EPB41: variants seen among roughly 807,000 people sequenced by gnomAD.
EPB41 encodes the protein protein 4.1.
In EPB41, 65 loss-of-function variants were observed where a neutral mutation model predicts 108.0. The observed-to-expected ratio is 0.60, with a 90% confidence interval of 0.49 to 0.74. The LOEUF (loss-of-function observed/expected upper bound fraction) is 0.74. Among genes scored for constraint, EPB41 ranks in the 30% least tolerant of loss-of-function variants. The pLI, the probability that EPB41 is intolerant of heterozygous loss-of-function variation, is 0.00. For synonymous variants in EPB41, 336 were observed against 358.9 expected (o/e 0.94, Z 0.72); for missense variants, 875 against 1,037.0 (o/e 0.84, Z 2.15).
At chr1:29,050,391 A>G (rs180844038) in intron 11 of EPB41, among the ~76,000 whole-genome samples, 31 of 152,398 alleles carry the variant, frequency 2.0e-4, no homozygotes, top group African/African-American at 7.0e-4. Flanking sequence ...AAAATAACAC[A>G]TGGTGAAAGC....
Position 28,997,200 on chromosome 1 carries a change from C to T in EPB41, c.682-15C>T, listed in dbSNP as rs769903319. 6 of 1,572,230 alleles carry T rather than the reference C, an allele frequency of 3.8e-6. No individual in the cohort carries two copies. The East Asian group carries it at 6.7e-5, about 18-fold the overall frequency. Reference sequence around the variant, plus strand: ...AAGAAACCTCAACTCAACTAAGTCACGTATATCTTTGCAGAAACATGCTAA... The same window carrying T: ...AAGAAACCTCAACTCAACTAAGTCATGTATATCTTTGCAGAAACATGCTAA... On this transcript the variant is annotated splice_polypyrimidine_tract_variant and intron_variant, in intron 3 of 20. Coordinates refer to ENST00000343067, the MANE Select transcript of EPB41 (RefSeq NM_001376013.1).
At chr1:28,927,091 A>G (rs1223126906) in intron 1 of EPB41, among the ~76,000 whole-genome samples, 1 of 152,232 alleles carries the variant, frequency 6.6e-6, no homozygotes, top group East Asian at 1.9e-4. Context: ...TACAAGGTTG[A>G]AAAACAGGAA....
At chr1:28,935,467 ACCCC>A (rs71022381) in intron 1 of EPB41, among the ~76,000 whole-genome samples, 168 of 64,150 alleles carry the variant, frequency 2.6e-3, no homozygotes, top group Middle Eastern at 0.02. Flanking sequence ...ACACACACAC[ACCCC>A]CCCCCCCCCA....
rs1448084218 is a variant in EPB41, at chr1:29,119,354, G to A, written c.*2542G>A. The A allele has an allele frequency of 6.6e-6, 1 of 152,588 alleles. No homozygotes were observed. The highest frequency in any genetic ancestry group is 1.9e-4 in the East Asian group (1 of 5,202). The allele number at this position is 152,588 out of a possible 1,614,324, so 9.5% of individuals were successfully genotyped here. On this transcript the variant is annotated 3_prime_UTR_variant, in exon 21 of 21. Transcript: ENST00000343067. Reference sequence around the variant, plus strand: ...GTCCAGGTAGAAATGGTGAGGAGGGGGAAGAGAATTACATTTCCAGGGTCA... The same window carrying A: ...GTCCAGGTAGAAATGGTGAGGAGGGAGAAGAGAATTACATTTCCAGGGTCA...
intron 16 of EPB41, among the ~76,000 whole-genome samples, chr1:29,086,001 A>AT (rs2151323192): frequency 6.6e-6 from 1 of 152,200 alleles, no homozygotes; most frequent in African/African-American, 2.4e-5. Context: ...ATTAAGGCTT[A>AT]TTTTTTACTG....
Position 28,887,863 on chromosome 1 carries a change from C to T in EPB41, c.-8+653C>T, listed in dbSNP as rs916680613. Among the ~76,000 whole-genome samples the T allele has an allele frequency of 1.3e-5, 2 of 152,236 alleles. No homozygotes were observed. Among genetic ancestry groups the T allele is most frequent in the African/African-American group, 4.8e-5 (2 of 41,472 alleles). On this transcript the variant is annotated intron_variant, in intron 1 of 16. Coordinates refer to the EPB41 transcript ENST00000347529. The surrounding 1 kb of genome is among the most constrained non-coding windows in gnomAD (Gnocchi z 4.9). Reference sequence around the variant, plus strand: ...TCTGGGTCTCCCGGGTCTCTCTGTCCGGTTCAGGCTCAGGTTCCCTCTCAT... The same window carrying T: ...TCTGGGTCTCCCGGGTCTCTCTGTCTGGTTCAGGCTCAGGTTCCCTCTCAT...
At chr1:28,888,891 T>C (rs1246681988) in intron 1 of EPB41, among the ~76,000 whole-genome samples, 1 of 151,606 alleles carries the variant, frequency 6.6e-6, no homozygotes, top group Non-Finnish European at 1.5e-5. Flanking sequence ...CCTCCCAAAG[T>C]GCTGGGATTA....
At chr1:29,027,629 C>T (rs2096737768) in intron 7 of EPB41, among the ~76,000 whole-genome samples, 1 of 151,922 alleles carries the variant, frequency 6.6e-6, no homozygotes, top group South Asian at 2.1e-4. Flanking sequence ...CCGCGCCTGG[C>T]TGAGACAAGG....
chr1:29,095,149 A>AC (rs1392414683), intron 16 of EPB41, among the ~76,000 whole-genome samples: 1 of 152,164 alleles, frequency 6.6e-6, no homozygotes, highest in Non-Finnish European at 1.5e-5. Flanking sequence ...TGGTGACTCT[A>AC]CTTGCTTTAG....
chr1:29,112,306 T>C, intron 18 of EPB41, 62 bp from the exon 19 acceptor site: 1 of 1,436,270 alleles, frequency 7.0e-7, no homozygotes, highest in Non-Finnish European at 9.8e-7. Flanking sequence ...TGGCCTCTTT[T>C]TCTTTTTTTT....
At chr1:29,027,082 A>C in intron 7 of EPB41, among the ~76,000 whole-genome samples, 1 of 148,784 alleles carries the variant, frequency 6.7e-6, no homozygotes, top group African/African-American at 2.5e-5. Flanking sequence ...ACGGAGTGGG[A>C]CTCCATCTCA....
chr1:29,109,214 G>T, intron 17 of EPB41, 122 bp from the exon 18 acceptor site: 2 of 753,574 alleles, frequency 2.7e-6, no homozygotes, highest in South Asian at 3.1e-5. Flanking sequence ...AAAAAAAAGA[G>T]GTCATTCTAA....
At chr1:29,075,141 A>G (rs1279427971) in intron 16 of EPB41, among the ~76,000 whole-genome samples, 3 of 126,416 alleles carry the variant, frequency 2.4e-5, no homozygotes, top group Admixed American at 1.9e-4. Context: ...TGGGCGACAG[A>G]GTGAGACTCC....
upstream of EPB41, among the ~76,000 whole-genome samples, chr1:28,912,424 T>A (rs1470773891): frequency 6.6e-6 from 1 of 152,124 alleles, no homozygotes; most frequent in Non-Finnish European, 1.5e-5. Context: ...ATGGACAATT[T>A]ACATAACGTG....
intron 1 of EPB41, among the ~76,000 whole-genome samples, chr1:28,944,231 G>GCCAGCCC (rs2094410159): frequency 6.6e-6 from 1 of 152,090 alleles, no homozygotes; most frequent in African/African-American, 2.4e-5. Flanking sequence ...GGAGGCGGGG[G>GCCAGCCC]CTGGGAGGAG....
intron 1 of EPB41, among the ~76,000 whole-genome samples, chr1:28,942,826 C>A (rs909968123): frequency 6.6e-6 from 1 of 152,178 alleles, no homozygotes; most frequent in Non-Finnish European, 1.5e-5. Context: ...TATCCTGGAA[C>A]CCCAGCCATC....
At position 29,107,320 on chromosome 1, in the gene EPB41, G is replaced by T. The variant is rs1476174263; in HGVS notation, c.2314-2016G>T. ...GACCCAAACCCCAGACTTCAAACAG[G>T]GAGTTTCTTGCCCTGAGTCCTAGTT... On this transcript the variant is annotated intron_variant, in intron 17 of 20. Transcript: ENST00000343067. Among the ~76,000 whole-genome samples the T allele has an allele frequency of 2.6e-5, 4 of 152,124 alleles. No homozygotes were observed. In the East Asian group the frequency reaches 7.7e-4, roughly 29 times the overall value.
intron 1 of EPB41, among the ~76,000 whole-genome samples, chr1:28,905,367 C>T (rs1305784883): frequency 1.4e-5 from 2 of 146,630 alleles, no homozygotes; most frequent in South Asian, 2.2e-4. Context: ...CCTGGTGGTA[C>T]GTGCCTGTAA....
chr1:29,078,448 AC>A (rs946651237), intron 16 of EPB41, among the ~76,000 whole-genome samples: 67 of 152,248 alleles, frequency 4.4e-4, no homozygotes, highest in African/African-American at 1.5e-3. Flanking sequence ...CAGTCAGGGT[AC>A]ACCTGAACTG....
Sources: gnomAD v4.1 joint callset for allele counts (sites outside exome capture counted in the v4.1 genomes callset) on GRCh38, gnomAD v4.1.1 for gene constraint, Gnocchi (gnomAD v3.1) non-coding constraint, MANE v1.5 for transcripts, NCBI Gene and HGNC (gene_info 2026-07-23, HGNC 2026-07-21) for gene names.